GUCD1: variants seen among roughly 807,000 people sequenced by gnomAD.
The protein encoded by GUCD1 is protein GUCD1.
Under a neutral mutation model 28.3 loss-of-function variants are expected in GUCD1, and 17 were observed. That is an observed-to-expected ratio of 0.60 (90% confidence interval 0.41 to 0.90). The LOEUF is 0.90. Ranked by LOEUF, GUCD1 falls within the 40% of genes least tolerant of loss-of-function variation. The pLI is 0.00. For synonymous variants in GUCD1, 129 were observed against 123.3 expected, an observed-to-expected ratio of 1.05 and a Z score of -0.30; for missense variants, 279 against 305.5, an observed-to-expected ratio of 0.91 and a Z score of 0.65.
Position 24,542,930 on chromosome 22 carries a change from G to C in GUCD1, c.*76C>G. The stretch of plus-strand genomic sequence containing the variant: ...TTCCAACCCCAGCAGCCCCAAGCCT[G>C]GGCCAGGGCATCCTGAGCGGGCCCG... On this transcript the variant is annotated 3_prime_UTR_variant, in exon 6 of 6. Coordinates refer to ENST00000435822, the MANE Select transcript of GUCD1 (RefSeq NM_001284254.2). 9.6e-7 allele frequency: 1 copy of C among 1,044,986 alleles called. No individual in the cohort carries two copies. Among genetic ancestry groups the C allele is most frequent in the South Asian group, 1.3e-5 (1 of 79,078 alleles). The allele number at this position is 1,044,986 out of a possible 1,614,324, so 64.7% of individuals were successfully genotyped here. A position where few individuals can be genotyped will look rare whatever the true frequency, so the allele number is the denominator to read the frequency against.
In GUCD1 at chr22:24,546,905, G is replaced by C; in HGVS notation, c.386+9C>G. ...GAGGAAGGGCAGGTAGGAAAGTTGG[G>C]GGGCTCACCATTTCTCCACCAGCAC... On this transcript the variant is annotated intron_variant, in intron 4 of 5. Transcript: ENST00000435822. 1 of 1,612,590 alleles carries C rather than the reference G, an allele frequency of 6.2e-7. No homozygotes were observed. Among genetic ancestry groups the C allele is most frequent in the Middle Eastern group, 1.7e-4 (1 of 5,772 alleles).
chr22:24,544,062 G>T lies in GUCD1; in HGVS notation c.408C>A (p.Ile136=). Reference sequence around the variant, plus strand: ...CATGGCCCTGAGCCAGGTGCGCCTGGATGTCCTTCACACTCACTGTGCTGT... The same window carrying T: ...CATGGCCCTGAGCCAGGTGCGCCTGTATGTCCTTCACACTCACTGTGCTGT... ...VEKCTVSVKD[I]QAHLAQGHVA... Residue 136 remains isoleucine (I), a synonymous_variant, in exon 5 of 6, where the codon ATC becomes ATA. Transcript: ENST00000435822. The T allele has an allele frequency of 6.2e-7, 1 of 1,611,802 alleles. No homozygotes were observed. The highest frequency in any genetic ancestry group is 8.5e-7 in the Non-Finnish European group (1 of 1,178,400).
chr22:24,546,069 C>T (rs1373647172), intron 4 of GUCD1, among the ~76,000 whole-genome samples: 1 of 152,048 alleles, frequency 6.6e-6, no homozygotes, highest in Non-Finnish European at 1.5e-5. Context: ...TCAGGCCATT[C>T]TCCTGCCTCA....
At chr22:24,555,304 C>G (rs994757247), upstream of GUCD1, 3 of 1,396,562 alleles carry the variant, frequency 2.1e-6, no homozygotes, top group Non-Finnish European at 1.9e-6. Context: ...ACCCTCTCGC[C>G]CAATCCTCGC....
intron 5 of GUCD1, 51 bp from the exon 6 acceptor site, chr22:24,543,148 C>T (rs746492612): frequency 1.5e-6 from 2 of 1,291,800 alleles, no homozygotes; most frequent in Middle Eastern, 3.8e-4. Flanking sequence ...TGAGAGAGCA[C>T]CTACACCACC....
rs532935674 is a variant in GUCD1, at chr22:24,543,437, C to T, written c.629-340G>A. Reference sequence around the variant, plus strand: ...AGTCAGGGCAGCCCTTCCCTGTGCCCGGAGGGCAGTAGGCAGGCCAGGATG... The same window carrying T: ...AGTCAGGGCAGCCCTTCCCTGTGCCTGGAGGGCAGTAGGCAGGCCAGGATG... On this transcript the variant is annotated intron_variant, in intron 5 of 5. Coordinates refer to ENST00000435822, the MANE Select transcript of GUCD1 (RefSeq NM_001284254.2). 5.1e-4 allele frequency among the ~76,000 whole-genome samples: 77 copies of T among 152,294 alleles called. 3 individuals are homozygous for T. In the South Asian group the frequency reaches 9.5e-3, roughly 19 times the overall value.
chr22:24,543,239 A>T, intron 5 of GUCD1, 142 bp from the exon 6 acceptor site: 1 of 650,584 alleles, frequency 1.5e-6, no homozygotes, highest in Non-Finnish European at 2.8e-6. Context: ...CTCCACCCCC[A>T]GGAAGCCCTC....
chr22:24,553,765 C>T (rs748489783), intron 1 of GUCD1, among the ~76,000 whole-genome samples: 1 of 152,384 alleles, frequency 6.6e-6, no homozygotes, highest in Middle Eastern at 3.4e-3. Context: ...TCTTGCCCTG[C>T]GCTCTAGAAC....
chr22:24,548,985 C>G lies in GUCD1; in HGVS notation c.60G>C (p.Leu20=). The stretch of plus-strand genomic sequence containing the variant: ...AGAGCTGCTGGATGACGGGCACAGG[C>G]AGTTGCACAAAGTCCCCTGTGCAGA... ...PPLEPGDFVQ[L]PVPVIQQLYH... Residue 20 remains leucine (L), a synonymous_variant, in exon 2 of 6, where the codon CTG becomes CTC. Coordinates refer to ENST00000435822, the MANE Select transcript of GUCD1 (RefSeq NM_001284254.2). The G allele has an allele frequency of 5.7e-6, 9 of 1,580,460 alleles. No individual in the cohort carries two copies. Among genetic ancestry groups the G allele is most frequent in the Non-Finnish European group, 7.7e-6 (9 of 1,162,746 alleles).
At chr22:24,544,261 G>T (rs2044669235) in intron 4 of GUCD1, among the ~76,000 whole-genome samples, 178 bp from the exon 5 acceptor site, 1 of 151,720 alleles carries the variant, frequency 6.6e-6, no homozygotes, top group Non-Finnish European at 1.5e-5. Context: ...CCAAGCAGGA[G>T]ACCGGTGGGG....
chr22:24,543,584 A>G (rs1253010066), intron 5 of GUCD1, among the ~76,000 whole-genome samples: 3 of 152,100 alleles, frequency 2.0e-5, no homozygotes, highest in African/African-American at 7.2e-5. Context: ...GGACCTGGGC[A>G]GTGGCGTGGG....
rs767648504 is a variant in GUCD1 at position 24,543,008 on chromosome 22, A to G, written c.718T>C (p.Ter240ArgextTer84). Reference protein sequence around the residue: ...EDILFVYLDS* With the variant: ...EDILFVYLDSR ...CTAGGCGCACCAGGCTCCTGCTGTC[A>G]GCTGTCCAAGTAGACAAAGAGGATG... The change falls in exon 6 of 6, where the codon TGA becomes CGA. Residue 240 changes from the stop codon to arginine (R), a stop_lost. Transcript: ENST00000435822. 6.2e-7 allele frequency: 1 copy of G among 1,611,202 alleles called. No homozygotes were observed.
upstream of GUCD1, chr22:24,555,557 A>C (rs988854366): frequency 4.6e-6 from 7 of 1,528,868 alleles, no homozygotes; most frequent in Non-Finnish European, 5.3e-6. Context: ...CAGCCGCTCT[A>C]CTCTATACCT....
In GUCD1 at chr22:24,542,359, G is replaced by C. The variant is rs919044361; in HGVS notation, c.*647C>G. 6.6e-6 allele frequency: 1 copy of C among 152,382 alleles called. No homozygotes were observed. The highest frequency in any genetic ancestry group is 1.5e-5 in the Non-Finnish European group (1 of 68,170). 9.4% of individuals were successfully genotyped at this position (152,382 alleles called of 1,614,324 possible). A position where few individuals can be genotyped will look rare whatever the true frequency, so the allele number is the denominator to read the frequency against. On this transcript the variant is annotated 3_prime_UTR_variant, in exon 6 of 6. Coordinates refer to ENST00000435822, the MANE Select transcript of GUCD1 (RefSeq NM_001284254.2). ...AGCTGGAGGACCTGGAGGGCTGTGGGGGCTTTAAGAGTCTCCAGCGGCCAG... is the reference window on the plus strand; with the variant it reads ...AGCTGGAGGACCTGGAGGGCTGTGGCGGCTTTAAGAGTCTCCAGCGGCCAG...
At chr22:24,551,850 T>TGTG (rs1351517264) in intron 1 of GUCD1, among the ~76,000 whole-genome samples, 1 of 152,190 alleles carries the variant, frequency 6.6e-6, no homozygotes, top group Non-Finnish European at 1.5e-5. Flanking sequence ...TAATCTCCAT[T>TGTG]GTGGTGGTAT....
chr22:24,553,338 T>C (rs12160660), intron 1 of GUCD1, among the ~76,000 whole-genome samples: 20,545 of 152,136 alleles, frequency 0.14, 1,450 homozygotes, highest in South Asian at 0.23. Flanking sequence ...GTTAATGTTG[T>C]CTCCATGCTC....
At chr22:24,546,632 G>A (rs536026991) in intron 4 of GUCD1, among the ~76,000 whole-genome samples, 2 of 152,320 alleles carry the variant, frequency 1.3e-5, no homozygotes, top group South Asian at 4.1e-4. Flanking sequence ...CTGTCTTTCT[G>A]CAAGTAGCCC....
Position 24,542,548 on chromosome 22 carries a change from G to GC in GUCD1, c.*457dup, listed in dbSNP as rs1044161281. 6.1e-6 allele frequency: 1 copy of GC among 163,646 alleles called. No individual in the cohort carries two copies. Among genetic ancestry groups the GC allele is most frequent in the Non-Finnish European group, 1.3e-5 (1 of 74,932 alleles). The allele number at this position is 163,646 out of a possible 1,614,324, so 10.1% of individuals were successfully genotyped here. The stretch of plus-strand genomic sequence containing the variant: ...TATGCAGCACTTCCAGGAGAGAGGG[G>GC]CCTGGAGGGGTCCTCAGCCCTGGGG... On this transcript the variant is annotated 3_prime_UTR_variant, in exon 6 of 6. Coordinates refer to ENST00000435822, the MANE Select transcript of GUCD1 (RefSeq NM_001284254.2).
intron 5 of GUCD1, among the ~76,000 whole-genome samples, chr22:24,543,554 A>T (rs1281154746): frequency 2.0e-5 from 3 of 152,132 alleles, no homozygotes; most frequent in African/African-American, 7.2e-5. Flanking sequence ...CAGCCTGGGC[A>T]GCATGAAAGG....
Sources: gnomAD v4.1 joint callset for allele counts (sites outside exome capture counted in the v4.1 genomes callset) on GRCh38, gnomAD v4.1.1 for gene constraint, MANE v1.5 for transcripts, NCBI Gene and HGNC (gene_info 2026-07-23, HGNC 2026-07-21) for gene names.